The following SLC4A8 variants were observed in gnomAD, a reference collection of about 807,000 sequenced individuals.
SLC4A8 encodes solute carrier family 4 member 8, also known as electroneutral sodium bicarbonate exchanger 1.
A neutral mutation model predicts 125.0 loss-of-function variants in SLC4A8; 40 were observed. The ratio of observed to expected loss-of-function variants is 0.32; its 90% CI spans 0.25 to 0.42. The LOEUF is 0.42. Ranked by LOEUF, SLC4A8 falls within the 10% of genes least tolerant of loss-of-function variation. SLC4A8 has a pLI of 1.00. For synonymous variants in SLC4A8, 456 were observed against 476.0 expected (o/e 0.96, Z 0.55); for missense variants, 863 against 1,355.1 (o/e 0.64, Z 5.70).
In SLC4A8 at chr12:51,431,249, T is replaced by C. The variant is rs973265952; in HGVS notation, c.48+6214T>C. On this transcript the variant is annotated intron_variant, in intron 1 of 24. Coordinates refer to ENST00000453097, the MANE Select transcript of SLC4A8 (RefSeq NM_001039960.3). The stretch of plus-strand genomic sequence containing the variant: ...TTGTTATTACACTGAGATTACATAA[T>C]GGTTTTCATAATTTAGGATGATCTC... 1.3e-5 allele frequency among the ~76,000 whole-genome samples: 2 copies of C among 152,372 alleles called. 1 individual carries two copies. Among genetic ancestry groups the C allele is most frequent in the Admixed American group, 1.3e-4 (2 of 15,308 alleles).
intron 1 of SLC4A8, among the ~76,000 whole-genome samples, chr12:51,397,657 A>G (rs758358227): frequency 6.6e-6 from 1 of 152,094 alleles, no homozygotes; most frequent in Non-Finnish European, 1.5e-5. Flanking sequence ...TTGGTATGAT[A>G]TAGTCTGCTC....
chr12:51,471,661 A>C, intron 14 of SLC4A8, 129 bp downstream of exon 14: 3 of 1,019,248 alleles, frequency 2.9e-6, no homozygotes, highest in Non-Finnish European at 4.3e-6. Context: ...AACGGATCTC[A>C]GATACAGACA....
chr12:51,484,521 CTCAGAGAATTTATATTGCAT>C (rs1259727885), intron 16 of SLC4A8, among the ~76,000 whole-genome samples: 1 of 152,126 alleles, frequency 6.6e-6, no homozygotes, highest in Non-Finnish European at 1.5e-5. Flanking sequence ...GCAGTGGATA[CTCAGAGAATTTATATTGCAT>C]TCAGAGAAGA....
intron 22 of SLC4A8, among the ~76,000 whole-genome samples, chr12:51,503,077 C>T (rs10876191): frequency 0.37 from 56,392 of 150,836 alleles, 10,800 homozygotes; most frequent in East Asian, 0.45. Context: ...CTCCTGACCT[C>T]GTGATCCGCC....
chr12:51,403,157 C>A (rs374200562), intron 1 of SLC4A8: 1 of 217,806 alleles, frequency 4.6e-6, no homozygotes, highest in South Asian at 3.2e-5. Flanking sequence ...ATAATAAATG[C>A]TCTATGTTCA....
chr12:51,475,087 G>A lies in SLC4A8; in HGVS notation c.2053G>A (p.Gly685Ser), dbSNP rs1193109846. 8.1e-6 allele frequency: 13 copies of A among 1,613,782 alleles called. No homozygotes were observed. The highest frequency in any genetic ancestry group is 1.6e-4 in the Middle Eastern group (1 of 6,082). ...TGGAGAGTTCATGGGATCTGCGTGC[G>A]GCCATCATGGACCCTACACTCCTGA... Reference protein sequence around the residue: ...MHGEFMGSACGHHGPYTPDVL... With the variant: ...MHGEFMGSACSHHGPYTPDVL... Residue 685 changes from glycine to serine, a missense_variant, in exon 16 of 25, where the codon GGC (glycine) becomes AGC (serine). Gly to Ser is a moderately conservative substitution (Grantham distance 56). This residue lies in a region of SLC4A8 where 197 missense variants were observed against 377.7 expected (regional missense o/e 0.52). Coordinates refer to ENST00000453097, the MANE Select transcript of SLC4A8 (RefSeq NM_001039960.3).
chr12:51,406,209 G>A (rs2137951435), intron 1 of SLC4A8, among the ~76,000 whole-genome samples: 2 of 152,328 alleles, frequency 1.3e-5, no homozygotes, highest in East Asian at 3.9e-4. Flanking sequence ...TCACTCTCAG[G>A]AACTTTTTGT....
intron 3 of SLC4A8, among the ~76,000 whole-genome samples, 176 bp downstream of exon 3, chr12:51,451,198 TCA>T (rs1390602106): frequency 6.6e-6 from 1 of 152,206 alleles, no homozygotes; most frequent in African/African-American, 2.4e-5. Context: ...CGTGAAAACT[TCA>T]CAGTTCCGGG....
intron 16 of SLC4A8, chr12:51,480,087 C>A: frequency 2.7e-6 from 1 of 370,034 alleles, no homozygotes; most frequent in South Asian, 2.0e-5. Context: ...ACTACAGGCA[C>A]GCACCACCAC....
rs1948909139 is a variant in SLC4A8, at chr12:51,424,927, A to C, written c.-61A>C. On this transcript the variant is annotated 5_prime_UTR_variant, in exon 1 of 25. Transcript: ENST00000453097. ...GAGTGATCTGCTCAGACCCGACCAG[A>C]GGGCGCGGGCTGCTGATGCTTGGCT... The C allele has an allele frequency of 2.6e-6, 4 of 1,532,210 alleles. No individual in the cohort carries two copies. The highest frequency in any genetic ancestry group is 3.5e-6 in the Non-Finnish European group (4 of 1,131,124). The allele number at this position is 1,532,210 out of a possible 1,614,324, so 94.9% of individuals were successfully genotyped here.
chr12:51,470,255 A>G, intron 12 of SLC4A8, 137 bp from the exon 13 acceptor site: 1 of 732,386 alleles, frequency 1.4e-6, no homozygotes, highest in South Asian at 1.8e-5. Flanking sequence ...TGGTGTGTAC[A>G]CATCACTCTT....
At position 51,466,240 on chromosome 12, in the gene SLC4A8, C is replaced by T. The variant is rs193222246; in HGVS notation, c.1349+2526C>T. Among the ~76,000 whole-genome samples the T allele has an allele frequency of 2.6e-5, 4 of 152,226 alleles. No homozygotes were observed. In the East Asian group the frequency reaches 7.7e-4, roughly 29 times the overall value. On this transcript the variant is annotated intron_variant, in intron 11 of 24. Transcript: ENST00000453097. The stretch of plus-strand genomic sequence containing the variant: ...ATAAGTAACAAAGAAGGAAATATGA[C>T]TAGAGTGTTCCTAGGCCGGAAGCTC...
intron 1 of SLC4A8, among the ~76,000 whole-genome samples, chr12:51,395,454 G>T (rs905260122): frequency 6.6e-6 from 1 of 152,326 alleles, no homozygotes; most frequent in African/African-American, 2.4e-5. Flanking sequence ...CCACCATAAG[G>T]CAGGAAACCT....
chr12:51,472,602 C>T (rs1950733704), intron 14 of SLC4A8, among the ~76,000 whole-genome samples: 2 of 152,044 alleles, frequency 1.3e-5, no homozygotes, highest in African/African-American at 2.4e-5. Context: ...TTATTGAGCA[C>T]CTATTATGTA....
chr12:51,503,212 T>A (rs1210896827), intron 22 of SLC4A8, among the ~76,000 whole-genome samples: 2 of 150,812 alleles, frequency 1.3e-5, no homozygotes, highest in East Asian at 3.9e-4. Flanking sequence ...ATTATTATTA[T>A]TTTTTTATTT....
intron 22 of SLC4A8, among the ~76,000 whole-genome samples, chr12:51,503,528 T>C (rs534392093): frequency 6.6e-6 from 1 of 152,352 alleles, no homozygotes; most frequent in Non-Finnish European, 1.5e-5. Flanking sequence ...TTGATTATTT[T>C]AAACCTACAA....
At chr12:51,437,415 T>C (rs992657351) in intron 1 of SLC4A8, among the ~76,000 whole-genome samples, 7 of 152,228 alleles carry the variant, frequency 4.6e-5, no homozygotes, top group African/African-American at 1.7e-4. Context: ...TGGAGGCAGA[T>C]GCCTCATGAA....
chr12:51,437,354 A>C (rs550577905), intron 1 of SLC4A8, among the ~76,000 whole-genome samples: 42 of 152,326 alleles, frequency 2.8e-4, no homozygotes, highest in African/African-American at 9.9e-4. Flanking sequence ...AATATGTTGA[A>C]ATGTAATCCC....
chr12:51,408,385 A>G (rs1948532943), intron 1 of SLC4A8, among the ~76,000 whole-genome samples: 1 of 151,396 alleles, frequency 6.6e-6, no homozygotes, highest in Non-Finnish European at 1.5e-5. Context: ...GCGTGCCACC[A>G]TACCCAGCTA....
Sources: allele counts gnomAD v4.1 joint callset (sites outside exome capture counted in the v4.1 genomes callset), GRCh38; gene constraint gnomAD v4.1.1; regional missense constraint gnomAD v4.1.1; transcripts MANE v1.5; gene names NCBI Gene and HGNC (gene_info 2026-07-23, HGNC 2026-07-21).